Variants in DCTN4 observed in about 807,000 individuals in gnomAD.
The protein encoded by DCTN4 is dynactin 4 (p62).
DCTN4 carries 23 observed loss-of-function variants against 62.7 expected under a neutral mutation model. The observed-to-expected ratio is 0.37, with a 90% CI of 0.26 to 0.52. The LOEUF (loss-of-function observed/expected upper bound fraction) is 0.52, where lower values mean the gene tolerates loss of function less well. Ranked by LOEUF, DCTN4 falls within the 20% of genes least tolerant of loss-of-function variation. The pLI, the probability that DCTN4 is intolerant of heterozygous loss-of-function variation, is 0.92. For missense variants in DCTN4, 514 were observed against 580.4 expected (o/e 0.89, Z 1.18); for synonymous variants, 199 against 202.1 (o/e 0.98, Z 0.13).
chr5:150,729,563 A>G (rs967967199), intron 8 of DCTN4, among the ~76,000 whole-genome samples: 5 of 152,094 alleles, frequency 3.3e-5, no homozygotes, highest in African/African-American at 1.2e-4. Context: ...AGACATTAAA[A>G]AACAAACAAA....
In DCTN4 at chr5:150,711,167, C is replaced by G. The variant is rs772003011; in HGVS notation, c.1365G>C (p.Leu455Phe). Residue 455 changes from leucine to phenylalanine, a missense_variant, in exon 13 of 13, where the codon TTG becomes TTC. Transcript: ENST00000447998. ...GAACCTTTTAAGGAAGAAGTGGGCC[C>G]AAGCTAAGTTCCACATGCTGGGTGA... is the stretch of plus-strand genomic sequence containing the variant. Reference protein sequence around the residue: ...IWLTQHVELSLGPLLP With the variant: ...IWLTQHVELSFGPLLP 9 of 1,612,298 alleles carry G rather than the reference C, an allele frequency of 5.6e-6. No individual in the cohort carries two copies. The Admixed American group carries it at 1.5e-4, about 27-fold the overall frequency.
intron 5 of DCTN4, among the ~76,000 whole-genome samples, chr5:150,732,564 C>T (rs1259788215): frequency 6.6e-6 from 1 of 152,074 alleles, no homozygotes; most frequent in Non-Finnish European, 1.5e-5. Context: ...TTTCCTCAAG[C>T]GTAAAATGGG....
intron 4 of DCTN4, among the ~76,000 whole-genome samples, chr5:150,738,909 A>C (rs746657748): frequency 2.6e-5 from 4 of 152,192 alleles, no homozygotes; most frequent in Admixed American, 1.3e-4. Flanking sequence ...GAATTCAATA[A>C]AAGGTTGGGC....
chr5:150,720,997 T>G (rs1044368884), intron 9 of DCTN4, among the ~76,000 whole-genome samples: 3 of 152,184 alleles, frequency 2.0e-5, no homozygotes, highest in Non-Finnish European at 2.9e-5. Context: ...GTTAGGAAAA[T>G]GAACATATTT....
At chr5:150,716,900 C>T (rs930302212) in intron 11 of DCTN4, among the ~76,000 whole-genome samples, 45 of 147,188 alleles carry the variant, frequency 3.1e-4, no homozygotes, top group Admixed American at 1.2e-3. Flanking sequence ...GCCTGGCGAC[C>T]GAGTGAGATT....
At chr5:150,716,586 T>C (rs1051351246) in intron 11 of DCTN4, among the ~76,000 whole-genome samples, 14 of 152,158 alleles carry the variant, frequency 9.2e-5, no homozygotes, top group African/African-American at 2.9e-4. Flanking sequence ...CAGGTACTTA[T>C]TTCTGTCTGT....
chr5:150,724,490 G>A (rs1483478719), intron 8 of DCTN4, among the ~76,000 whole-genome samples: 1 of 152,068 alleles, frequency 6.6e-6, no homozygotes, highest in African/African-American at 2.4e-5. Flanking sequence ...ATTACAGTTT[G>A]TGCTTATTTG....
intron 5 of DCTN4, chr5:150,731,954 C>T: frequency 2.0e-6 from 3 of 1,535,340 alleles, no homozygotes; most frequent in Non-Finnish European, 2.6e-6. Context: ...ACAAAAAATG[C>T]AGCATAAGAT....
At chr5:150,724,252 T>C (rs1760060020) in intron 8 of DCTN4, among the ~76,000 whole-genome samples, 1 of 152,234 alleles carries the variant, frequency 6.6e-6, no homozygotes, top group East Asian at 1.9e-4. Flanking sequence ...TTCATATTTA[T>C]TGGCTATTGG....
At chr5:150,757,882 C>G (rs1382019238) in intron 1 of DCTN4, 4 of 162,776 alleles carry the variant, frequency 2.5e-5, no homozygotes, top group Admixed American at 6.5e-5. Flanking sequence ...AAATCCAGGT[C>G]CTCCTTCCCA....
chr5:150,727,977 G>T (rs1760217893), intron 8 of DCTN4, among the ~76,000 whole-genome samples: 1 of 151,972 alleles, frequency 6.6e-6, no homozygotes, highest in South Asian at 2.1e-4. Context: ...AATGTTAAAA[G>T]ATTTTAAACA....
rs114611969 is a variant in DCTN4 at position 150,723,830 on chromosome 5, C to T, written c.835-850G>A. Among the ~76,000 whole-genome samples the T allele has an allele frequency of 4.7e-3, 722 of 152,192 alleles. 7 individuals are homozygous for T. Among genetic ancestry groups the T allele is most frequent in the African/African-American group, 0.017 (689 of 41,522 alleles). On this transcript the variant is annotated intron_variant, in intron 8 of 12. Coordinates refer to ENST00000447998, the MANE Select transcript of DCTN4 (RefSeq NM_016221.4). Reference sequence around the variant, plus strand: ...TTTTTCACAATAACACAAAAGGGAACATTTTATATTTATTCTCTTGCTTTT... The same window carrying T: ...TTTTTCACAATAACACAAAAGGGAATATTTTATATTTATTCTCTTGCTTTT...
At chr5:150,720,392 C>G (rs887894070) in intron 9 of DCTN4, among the ~76,000 whole-genome samples, 2 of 151,458 alleles carry the variant, frequency 1.3e-5, no homozygotes, top group African/African-American at 4.9e-5. Context: ...CACACACACA[C>G]AAAAGCAACA....
intron 4 of DCTN4, among the ~76,000 whole-genome samples, 166 bp downstream of exon 4, chr5:150,741,948 G>C (rs191455290): frequency 3.2e-4 from 48 of 152,328 alleles, no homozygotes; most frequent in Admixed American, 2.0e-3. Flanking sequence ...TTGGAAAAAA[G>C]TGACAGTGTA....
chr5:150,726,983 G>A (rs551938130), intron 8 of DCTN4, among the ~76,000 whole-genome samples: 45 of 152,250 alleles, frequency 3.0e-4, no homozygotes, highest in Non-Finnish European at 4.4e-4. Context: ...TTATGCAAAT[G>A]ATGTCTTGAC....
In DCTN4 at chr5:150,753,521, G is replaced by C. The variant is rs200410543; in HGVS notation, c.343C>G (p.Arg115Gly). The C allele has an allele frequency of 1.9e-6, 3 of 1,614,096 alleles. No individual in the cohort carries two copies. The East Asian group carries it at 6.7e-5, about 36-fold the overall frequency. The change falls in exon 3 of 13, where the codon CGC (arginine) becomes GGC (glycine). Residue 115 changes from arginine (R) to glycine (G), a missense_variant. Transcript: ENST00000447998. ...ATGCCCACATCTCTAGACGTCCAGC[G>C]ACAAAATCCACATGCCAGGTAATAG... Reference protein sequence around the residue: ...KAYYLACGFCRWTSRDVGMAD... With the variant: ...KAYYLACGFCGWTSRDVGMAD...
chr5:150,718,234 G>A, intron 11 of DCTN4, 42 bp downstream of exon 11: 1 of 1,386,546 alleles, frequency 7.2e-7, no homozygotes, highest in Non-Finnish European at 1.0e-6. Flanking sequence ...GGACACTCCA[G>A]GGAAAGTGCG....
At chr5:150,752,621 T>C (rs752996994) in intron 3 of DCTN4, among the ~76,000 whole-genome samples, 1 of 152,178 alleles carries the variant, frequency 6.6e-6, no homozygotes, top group Non-Finnish European at 1.5e-5. Context: ...ATTAAACATG[T>C]TGTACCAAAT....
rs774842808 is a variant in DCTN4 at position 150,753,549 on chromosome 5, T to C, written c.315A>G (p.Lys105=). The change falls in exon 3 of 13, where the codon AAA becomes AAG. Residue 105 remains lysine, a synonymous_variant. Coordinates refer to ENST00000447998, the MANE Select transcript of DCTN4 (RefSeq NM_016221.4). ...AAAATCCACATGCCAGGTAATAGGC[T>C]TTCTTCATGGTGGTCTTGGCTGGGT... ...PDDPAKTTMK[K]AYYLACGFCR... The C allele has an allele frequency of 1.3e-5, 21 of 1,614,110 alleles. No individual in the cohort carries two copies. The highest frequency in any genetic ancestry group is 3.4e-6 in the Non-Finnish European group (4 of 1,180,038).
Sources: gnomAD v4.1 joint callset for allele counts (sites outside exome capture counted in the v4.1 genomes callset) on GRCh38, gnomAD v4.1.1 for gene constraint, MANE v1.5 for transcripts, NCBI Gene and HGNC (gene_info 2026-07-23, HGNC 2026-07-21) for gene names.